Variants in PALM2AKAP2 observed in about 807,000 individuals in gnomAD.
PALM2AKAP2 encodes the protein PALM2 and AKAP2 fusion, also known as PALM2-AKAP2 fusion protein.
Under a neutral mutation model 71.5 loss-of-function variants are expected in PALM2AKAP2, and 37 were observed. The observed-to-expected ratio is 0.52, with a 90% CI of 0.40 to 0.68. PALM2AKAP2 has a LOEUF of 0.68. Among genes scored for constraint, PALM2AKAP2 ranks in the 30% least tolerant of loss-of-function variants. The pLI is 0.00. For missense variants in PALM2AKAP2, 1,224 were observed against 1,191.8 expected, an observed-to-expected ratio of 1.03 and a Z score of -0.40; for synonymous variants, 468 against 478.8, an observed-to-expected ratio of 0.98 and a Z score of 0.29.
chr9:110,136,107 T>A lies in PALM2AKAP2; in HGVS notation c.157-20T>A. 1 of 1,539,310 alleles carries A rather than the reference T, an allele frequency of 6.5e-7. No individual in the cohort carries two copies. ...GAGATGCAGTATTTAACCCTGACTT[T>A]TGTTTACTCTTTATTCCAGAAGCCT... On this transcript the variant is annotated intron_variant, in intron 1 of 3. Transcript: ENST00000374525.
intron 1 of PALM2AKAP2, among the ~76,000 whole-genome samples, chr9:110,130,222 CTT>C (rs1425362857): frequency 6.6e-6 from 1 of 152,222 alleles, no homozygotes; most frequent in African/African-American, 2.4e-5. Flanking sequence ...CATTTTCTAA[CTT>C]AATTCTCAAA....
intron 7 of PALM2AKAP2, among the ~76,000 whole-genome samples, chr9:110,032,664 C>G (rs1833301749): frequency 6.7e-6 from 1 of 149,068 alleles, no homozygotes; most frequent in Admixed American, 6.7e-5. Context: ...GCACTCCAGC[C>G]TGGGTGACAG....
intron 1 of PALM2AKAP2, among the ~76,000 whole-genome samples, chr9:110,057,524 G>A (rs539371617): frequency 6.6e-5 from 10 of 151,940 alleles, no homozygotes; most frequent in Non-Finnish European, 1.0e-4. Context: ...GTCTACAGGC[G>A]CGTGCCACCA....
At chr9:109,772,549 T>C (rs1829284795) in intron 1 of PALM2AKAP2, among the ~76,000 whole-genome samples, 1 of 152,236 alleles carries the variant, frequency 6.6e-6, no homozygotes, top group Admixed American at 6.5e-5. Flanking sequence ...TCCCATCTCA[T>C]CCTCTGACTG....
intron 1 of PALM2AKAP2, among the ~76,000 whole-genome samples, chr9:109,782,744 TTG>T (rs71492863): frequency 0.35 from 50,124 of 143,878 alleles, 8,817 homozygotes; most frequent in African/African-American, 0.49. Flanking sequence ...GTGTGTTTGT[TTG>T]TGTGTGTGTG....
chr9:109,801,982 A>G (rs550681667), intron 1 of PALM2AKAP2, among the ~76,000 whole-genome samples: 3 of 152,338 alleles, frequency 2.0e-5, no homozygotes, highest in South Asian at 2.1e-4. Flanking sequence ...TGGGCAATTT[A>G]TGACTGACCA....
intron 1 of PALM2AKAP2, chr9:110,090,173 G>A (rs1277826700): frequency 1.8e-5 from 6 of 326,852 alleles, no homozygotes; most frequent in Admixed American, 1.6e-4. Context: ...TGCAGCCTGT[G>A]TGCTTCCTGG....
In PALM2AKAP2 at chr9:109,688,891, G is replaced by A. The variant is rs114815228; in HGVS notation, c.5+48025G>A. Among the ~76,000 whole-genome samples, 1,294 of 152,276 alleles carry A rather than the reference G, an allele frequency of 8.5e-3. 18 individuals carry two copies. The highest frequency in any genetic ancestry group is 0.029 in the African/African-American group (1,213 of 41,558). ...AACTCTCAAAGGAGAGGCAAATTCC[G>A]TTGTAATCTTTTTGATGCCAAATGT... is the stretch of plus-strand genomic sequence containing the variant. On this transcript the variant is annotated intron_variant, in intron 1 of 6. Transcript: ENST00000374531.
At chr9:109,842,060 C>T (rs1269610207) in intron 1 of PALM2AKAP2, among the ~76,000 whole-genome samples, 1 of 151,892 alleles carries the variant, frequency 6.6e-6, no homozygotes, top group Non-Finnish European at 1.5e-5. Flanking sequence ...CACTTGAAAA[C>T]CTACCTGGTG....
chr9:110,000,215 A>C (rs1588051942), intron 6 of PALM2AKAP2, among the ~76,000 whole-genome samples: 1 of 121,014 alleles, frequency 8.3e-6, no homozygotes, highest in Non-Finnish European at 1.6e-5. Context: ...TCCTGTGTCC[A>C]TGTGTTTTCA....
intron 6 of PALM2AKAP2, among the ~76,000 whole-genome samples, chr9:109,937,662 C>T (rs1006396100): frequency 1.3e-5 from 2 of 152,140 alleles, no homozygotes; most frequent in Non-Finnish European, 2.9e-5. Context: ...TAATTAAATA[C>T]ATAATTTAAT....
At chr9:110,128,682 A>G (rs1254097695) in intron 1 of PALM2AKAP2, among the ~76,000 whole-genome samples, 1 of 152,206 alleles carries the variant, frequency 6.6e-6, no homozygotes, top group African/African-American at 2.4e-5. Flanking sequence ...GGAGGTCGAG[A>G]TGGGTTAGGC....
chr9:110,040,363 C>T (rs1441797484), intron 7 of PALM2AKAP2, among the ~76,000 whole-genome samples: 1 of 152,126 alleles, frequency 6.6e-6, no homozygotes, highest in Admixed American at 6.5e-5. Flanking sequence ...GTCCCATCAT[C>T]TTCAGTGAAG....
At chr9:109,739,462 T>C (rs28547217) in intron 1 of PALM2AKAP2, among the ~76,000 whole-genome samples, 3,033 of 152,294 alleles carry the variant, frequency 0.02, 97 homozygotes, top group African/African-American at 0.069. Context: ...CCTTGGTATA[T>C]AGGTGTATAG....
chr9:109,698,272 A>ATTTTTTTT (rs774359983), intron 1 of PALM2AKAP2, among the ~76,000 whole-genome samples: 2 of 118,566 alleles, frequency 1.7e-5, no homozygotes, highest in African/African-American at 6.9e-5. Flanking sequence ...TGTGTGCTAC[A>ATTTTTTTT]TTTTTTTTTT....
Position 109,827,557 on chromosome 9 carries a change from C to T in PALM2AKAP2, c.46-39934C>T, listed in dbSNP as rs140567287. ...CTGGGAGGCAGAGGTTGCAGTGAGCCGGGATCGCACCACTGCACTCCAGCC... is the reference window on the plus strand; with the variant it reads ...CTGGGAGGCAGAGGTTGCAGTGAGCTGGGATCGCACCACTGCACTCCAGCC... On this transcript the variant is annotated intron_variant, in intron 1 of 9. Coordinates refer to the PALM2AKAP2 transcript ENST00000302798. Among the ~76,000 whole-genome samples the T allele has an allele frequency of 3.3e-3, 495 of 152,082 alleles. 8 individuals are homozygous for T. Among genetic ancestry groups the T allele is most frequent in the African/African-American group, 0.011 (475 of 41,462 alleles).
At chr9:109,721,230 T>C (rs1332947664) in intron 1 of PALM2AKAP2, among the ~76,000 whole-genome samples, 1 of 152,174 alleles carries the variant, frequency 6.6e-6, no homozygotes, top group Non-Finnish European at 1.5e-5. Flanking sequence ...CTTCCATTCC[T>C]AAGGAGCTGG....
At chr9:110,001,912 G>A (rs1832688581) in intron 6 of PALM2AKAP2, among the ~76,000 whole-genome samples, 1 of 152,120 alleles carries the variant, frequency 6.6e-6, no homozygotes, top group Admixed American at 6.5e-5. Context: ...AGGAGATTTT[G>A]GGCTGAGATG....
intron 1 of PALM2AKAP2, among the ~76,000 whole-genome samples, chr9:109,820,326 A>G (rs1476724670): frequency 6.6e-6 from 1 of 152,186 alleles, no homozygotes; most frequent in Non-Finnish European, 1.5e-5. Flanking sequence ...CATTCTCAAA[A>G]GAGAATTGGA....
Sources: allele counts gnomAD v4.1 joint callset (sites outside exome capture counted in the v4.1 genomes callset), GRCh38; gene constraint gnomAD v4.1.1; transcripts MANE v1.5; gene names NCBI Gene and HGNC (gene_info 2026-07-23, HGNC 2026-07-21).